ZDHHC7: variants seen among roughly 807,000 people sequenced by gnomAD.
The protein encoded by ZDHHC7 is palmitoyltransferase ZDHHC7.
ZDHHC7 carries 12 observed loss-of-function variants against 34.1 expected under a neutral mutation model. The observed-to-expected ratio is 0.35, with a 90% CI of 0.23 to 0.57. ZDHHC7 has a LOEUF of 0.57. ZDHHC7 is among the 20% of genes least tolerant of loss of function. The probability of loss-of-function intolerance (pLI) is 0.84; values close to 1 mark genes in which losing one functional copy is unlikely to be tolerated. For missense variants in ZDHHC7, 388 were observed against 402.7 expected, an observed-to-expected ratio of 0.96 and a Z score of 0.31; for synonymous variants, 185 against 155.4, an observed-to-expected ratio of 1.19 and a Z score of -1.42.
intron 1 of ZDHHC7, among the ~76,000 whole-genome samples, chr16:84,996,805 G>C (rs2072584534): frequency 6.6e-6 from 1 of 152,058 alleles, no homozygotes; most frequent in Non-Finnish European, 1.5e-5. Context: ...GAGGCGGGTG[G>C]ATCATGAGGT....
At chr16:84,994,019 G>A (rs187303582) in intron 2 of ZDHHC7, among the ~76,000 whole-genome samples, 6 of 152,200 alleles carry the variant, frequency 3.9e-5, no homozygotes, top group Non-Finnish European at 7.3e-5. Context: ...ACTGTCAGGG[G>A]GCTGAGAAAG....
At chr16:84,981,045 C>A (rs139749627) in intron 4 of ZDHHC7, among the ~76,000 whole-genome samples, 1 of 152,218 alleles carries the variant, frequency 6.6e-6, no homozygotes, top group African/African-American at 2.4e-5. Context: ...AGGAGAAGGG[C>A]ACTGTCCAGG....
intron 3 of ZDHHC7, among the ~76,000 whole-genome samples, chr16:84,986,751 C>A (rs922709006): frequency 3.9e-5 from 6 of 152,208 alleles, no homozygotes; most frequent in African/African-American, 1.4e-4. Flanking sequence ...AGGGCAATCC[C>A]AGCGAGGACT....
At chr16:84,976,899 A>T (rs1311498764) in intron 7 of ZDHHC7, among the ~76,000 whole-genome samples, 196 bp downstream of exon 7, 5 of 152,216 alleles carry the variant, frequency 3.3e-5, no homozygotes, top group South Asian at 4.1e-4. Context: ...CTGACTTGCA[A>T]ATCAAACTGA....
chr16:84,979,828 T>G (rs1299187699), intron 4 of ZDHHC7, among the ~76,000 whole-genome samples: 1 of 152,126 alleles, frequency 6.6e-6, no homozygotes, highest in African/African-American at 2.4e-5. Flanking sequence ...GTATGTCCAA[T>G]TTTAAATAAC....
chr16:85,023,735 C>T, the ZDHHC7 span, among the ~76,000 whole-genome samples: 1 of 152,086 alleles, frequency 6.6e-6, no homozygotes, highest in Non-Finnish European at 1.5e-5. Flanking sequence ...CCTCTAACCT[C>T]AGGCTTCCAA....
At chr16:84,999,413 C>T (rs558183780) in intron 1 of ZDHHC7, among the ~76,000 whole-genome samples, 14 of 152,218 alleles carry the variant, frequency 9.2e-5, no homozygotes, top group African/African-American at 3.4e-4. Flanking sequence ...AAAACTTGTC[C>T]GATACTGTTC....
chr16:84,992,839 T>C (rs1360155289), intron 2 of ZDHHC7, among the ~76,000 whole-genome samples: 1 of 152,144 alleles, frequency 6.6e-6, no homozygotes, highest in African/African-American at 2.4e-5. Context: ...GGGTGTGACT[T>C]TTTCTTTTCT....
chr16:84,996,982 C>T (rs1268753262), intron 1 of ZDHHC7, among the ~76,000 whole-genome samples: 1 of 150,362 alleles, frequency 6.7e-6, no homozygotes, highest in Non-Finnish European at 1.5e-5. Flanking sequence ...GCCAAGATGG[C>T]ACCACTGCAC....
upstream of ZDHHC7, among the ~76,000 whole-genome samples, chr16:85,011,860 A>G (rs748563670): frequency 1.6e-4 from 24 of 152,326 alleles, no homozygotes; most frequent in Non-Finnish European, 3.1e-4. Context: ...AGTGGCCTGT[A>G]CTATATGCGG....
chr16:85,001,066 C>G (rs1190151467), intron 1 of ZDHHC7, among the ~76,000 whole-genome samples: 1 of 152,122 alleles, frequency 6.6e-6, no homozygotes, highest in East Asian at 1.9e-4. Flanking sequence ...GAAGGACAAG[C>G]CTGAGGTCCA....
chr16:85,016,781 T>C, the ZDHHC7 span, among the ~76,000 whole-genome samples: 1 of 151,936 alleles, frequency 6.6e-6, no homozygotes, highest in African/African-American at 2.4e-5. Context: ...TTAACAGAGA[T>C]GCCAGCAGTG....
the ZDHHC7 span, among the ~76,000 whole-genome samples, chr16:85,017,589 T>C: frequency 6.6e-6 from 1 of 152,146 alleles, no homozygotes; most frequent in African/African-American, 2.4e-5. Flanking sequence ...TTGTGGCGTA[T>C]TTGTGCAATG....
the ZDHHC7 span, among the ~76,000 whole-genome samples, chr16:85,026,931 C>T: frequency 6.6e-6 from 1 of 152,092 alleles, no homozygotes; most frequent in East Asian, 1.9e-4. Flanking sequence ...GACATAACCC[C>T]CACATTACTA....
At chr16:85,008,489 AACC>A (rs1418831804) in intron 1 of ZDHHC7, among the ~76,000 whole-genome samples, 3 of 146,620 alleles carry the variant, frequency 2.0e-5, no homozygotes, top group Non-Finnish European at 4.4e-5. Context: ...TGGTTTTGGG[AACC>A]ACCACCTACA....
rs1006922696 is a variant in ZDHHC7 at position 84,974,775 on chromosome 16, G to A, written c.*1568C>T. The A allele has an allele frequency of 1.3e-5, 2 of 152,654 alleles. No homozygotes were observed. The highest frequency in any genetic ancestry group is 2.4e-5 in the African/African-American group (1 of 41,452). The allele number at this position is 152,654 out of a possible 1,614,324, so 9.5% of individuals were successfully genotyped here. ...CCCCCAACGGCGCACACGCTTCTGC[G>A]GTGACCAAGTCCACTTCCAAACCCC... On this transcript the variant is annotated 3_prime_UTR_variant, in exon 8 of 8. Coordinates refer to ENST00000313732, the MANE Select transcript of ZDHHC7 (RefSeq NM_017740.3).
At chr16:84,988,780 C>T (rs953449403) in intron 3 of ZDHHC7, 1 of 1,551,532 alleles carries the variant, frequency 6.4e-7, no homozygotes, top group African/African-American at 1.4e-5. Flanking sequence ...AGGCTTTGCA[C>T]AGACTCGGTT....
intron 4 of ZDHHC7, among the ~76,000 whole-genome samples, chr16:84,979,920 T>C (rs1057488931): frequency 6.6e-6 from 1 of 150,880 alleles, no homozygotes; most frequent in Non-Finnish European, 1.5e-5. Context: ...GCAGGTTCGC[T>C]GCAGGCAGAC....
the ZDHHC7 span, among the ~76,000 whole-genome samples, chr16:85,025,105 C>A: frequency 1.3e-5 from 2 of 152,084 alleles, no homozygotes; most frequent in South Asian, 4.2e-4. Context: ...GGTGAAACCC[C>A]CATCTCTACT....
Sources: allele counts gnomAD v4.1 joint callset (sites outside exome capture counted in the v4.1 genomes callset), GRCh38; gene constraint gnomAD v4.1.1; transcripts MANE v1.5; gene names NCBI Gene and HGNC (gene_info 2026-07-23, HGNC 2026-07-21).